The following AKAP9 variants were observed in gnomAD, a reference collection of about 807,000 sequenced individuals.
The protein encoded by AKAP9 is A-kinase anchoring protein 9.
AKAP9 carries 311 observed loss-of-function variants against 488.5 expected under a neutral mutation model. That is an observed-to-expected ratio of 0.64 (90% confidence interval 0.58 to 0.70). The LOEUF (loss-of-function observed/expected upper bound fraction) is 0.70, where lower values mean the gene tolerates loss of function less well. Among genes scored for constraint, AKAP9 ranks in the 30% least tolerant of loss-of-function variants. The pLI is 0.00. For synonymous variants in AKAP9, 1,462 were observed against 1,483.5 expected, an observed-to-expected ratio of 0.99 and a Z score of 0.33; for missense variants, 4,215 against 4,374.5, an observed-to-expected ratio of 0.96 and a Z score of 1.03.
chr7:91,974,802 C>G (rs1562920660), intron 2 of AKAP9, among the ~76,000 whole-genome samples: 1 of 151,916 alleles, frequency 6.6e-6, no homozygotes, highest in Non-Finnish European at 1.5e-5. Flanking sequence ...AAACGTCTCA[C>G]ATTTGTTTTG....
intron 26 of AKAP9, among the ~76,000 whole-genome samples, chr7:92,068,068 T>C (rs571591727): frequency 1.3e-5 from 2 of 152,120 alleles, no homozygotes; most frequent in East Asian, 3.9e-4. Context: ...ACAAAAGTTA[T>C]CAGTCTCCAG....
chr7:92,026,592 C>G (rs1000359627), intron 14 of AKAP9, among the ~76,000 whole-genome samples: 1 of 152,190 alleles, frequency 6.6e-6, no homozygotes, highest in Non-Finnish European at 1.5e-5. Flanking sequence ...GCCTCGGCCT[C>G]CCGAGGTGCT....
chr7:92,097,586 C>T lies in AKAP9; in HGVS notation c.10399C>T (p.Pro3467Ser). 6.2e-7 allele frequency: 1 copy of T among 1,613,062 alleles called. No homozygotes were observed. The highest frequency in any genetic ancestry group is 1.1e-5 in the South Asian group (1 of 91,000). Residue 3467 changes from proline to serine, a missense_variant and splice_region_variant, in exon 42 of 50, where the codon CCA (proline) becomes TCA (serine). Around this residue, in one of 5 missense-constraint regions of AKAP9, gnomAD observed 1,476 missense variants for 1,477.4 expected, o/e 1.00. Transcript: ENST00000356239. ...RRILYQNLNEPTTWSLTSDRT... is the reference protein window; with the variant it reads ...RRILYQNLNESTTWSLTSDRT... ...TTCTTATTCTGTCCAAAATTGCCAG[C>T]CAACCACGTGGAGCTTAACCAGTGA...
intron 2 of AKAP9, among the ~76,000 whole-genome samples, chr7:91,974,802 C>T (rs1562920660): frequency 6.6e-6 from 1 of 151,916 alleles, no homozygotes; most frequent in Admixed American, 6.6e-5. Flanking sequence ...AAACGTCTCA[C>T]ATTTGTTTTG....
At chr7:91,974,658 G>A (rs1318246606) in intron 2 of AKAP9, among the ~76,000 whole-genome samples, 1 of 152,106 alleles carries the variant, frequency 6.6e-6, no homozygotes, top group Non-Finnish European at 1.5e-5. Context: ...GATTTTGACA[G>A]GGATTGCATT....
At chr7:92,025,334 A>T (rs1333644976) in intron 14 of AKAP9, among the ~76,000 whole-genome samples, 1 of 152,170 alleles carries the variant, frequency 6.6e-6, no homozygotes, top group Non-Finnish European at 1.5e-5. Context: ...GAGTTTCTAT[A>T]ATACTCCATG....
intron 1 of AKAP9, among the ~76,000 whole-genome samples, chr7:91,955,417 C>G (rs1273906275): frequency 2.0e-5 from 3 of 152,174 alleles, no homozygotes; most frequent in African/African-American, 7.2e-5. Context: ...ATCCCAACCC[C>G]TCACCACTTG....
chr7:92,003,332 C>A, intron 8 of AKAP9, 97 bp downstream of exon 8: 1 of 927,000 alleles, frequency 1.1e-6, no homozygotes, highest in East Asian at 2.5e-5. Flanking sequence ...CATATCCTTA[C>A]AAGAGAATGA....
At chr7:92,094,984 A>G (rs751134369) in intron 39 of AKAP9, 39 bp from the exon 40 acceptor site, 6 of 1,605,616 alleles carry the variant, frequency 3.7e-6, no homozygotes, top group Non-Finnish European at 4.3e-6. Flanking sequence ...TGCTTCGTCA[A>G]CATAGCTTTA....
chr7:92,077,850 A>G lies in AKAP9; in HGVS notation c.6920A>G (p.Gln2307Arg), dbSNP rs1584453351. 1 of 1,613,266 alleles carries G rather than the reference A, an allele frequency of 6.2e-7. No homozygotes were observed. The highest frequency in any genetic ancestry group is 2.2e-5 in the East Asian group (1 of 44,788). The change falls in exon 30 of 50, where the codon CAA (glutamine) becomes CGA (arginine). Residue 2307 changes from glutamine (Q) to arginine (R), a missense_variant. Coordinates refer to ENST00000356239, the MANE Select transcript of AKAP9 (RefSeq NM_005751.5). The part of the protein sequence containing the change: ...LNEQVTKLQQ[Q>R]LKITTDNKVI... Reference sequence around the variant, plus strand: ...GAACAAGTTACGAAACTCCAGCAGCAACTTAAAATTACAACAGATAACAAG... The same window carrying G: ...GAACAAGTTACGAAACTCCAGCAGCGACTTAAAATTACAACAGATAACAAG...
chr7:92,074,257 A>T (rs1349524493), intron 28 of AKAP9, among the ~76,000 whole-genome samples: 2 of 152,210 alleles, frequency 1.3e-5, no homozygotes, highest in Non-Finnish European at 2.9e-5. Context: ...CAAAAAACAT[A>T]CGAAGAAAAG....
chr7:92,109,004 C>T (rs1303530283), intron 49 of AKAP9: 2 of 363,386 alleles, frequency 5.5e-6, no homozygotes, highest in Admixed American at 4.1e-5. Flanking sequence ...TAAGGCCGTG[C>T]CGCAGCACTC....
intron 47 of AKAP9, among the ~76,000 whole-genome samples, chr7:92,106,929 T>C (rs912321627): frequency 6.6e-6 from 1 of 152,226 alleles, no homozygotes; most frequent in Non-Finnish European, 1.5e-5. Flanking sequence ...AATGGTTACA[T>C]TGGTCTAATA....
rs779043530 is a variant in AKAP9, at chr7:92,038,606, A to C, written c.4526A>C (p.Lys1509Thr). 1 of 1,613,896 alleles carries C rather than the reference A, an allele frequency of 6.2e-7. No homozygotes were observed. The highest frequency in any genetic ancestry group is 8.5e-7 in the Non-Finnish European group (1 of 1,179,912). ...GFQTFETVDVKFKEEFKPLSK... is the reference protein window; with the variant it reads ...GFQTFETVDVTFKEEFKPLSK... ...CAGACTTTTGAGACAGTGGATGTGA[A>C]ATTTAAAGAAGAATTTAAACCACTT... The change falls in exon 17 of 50, where the codon AAA becomes ACA. Residue 1509 changes from lysine (K) to threonine (T), a missense_variant. Transcript: ENST00000356239.
Position 92,001,379 on chromosome 7 carries a change from A to G in AKAP9, c.1462A>G (p.Ile488Val), listed in dbSNP as rs1799162517. The G allele has an allele frequency of 2.5e-6, 4 of 1,613,880 alleles. No individual in the cohort carries two copies. Among genetic ancestry groups the G allele is most frequent in the Non-Finnish European group, 3.4e-6 (4 of 1,179,798 alleles). The change falls in exon 8 of 50, where the codon ATA becomes GTA. Residue 488 changes from isoleucine (I) to valine (V), a missense_variant. By Grantham distance (29) the Ile-to-Val change is conservative (BLOSUM62 3). Transcript: ENST00000356239. ...AAATATTACAGTTAATGAAGATCAG[A>G]TAAAGTTAATGAATGTGGCAATAAA... ...YSNITVNEDQ[I>V]KLMNVAINEL...
intron 1 of AKAP9, among the ~76,000 whole-genome samples, chr7:91,960,556 C>T (rs899877020): frequency 1.3e-5 from 2 of 152,166 alleles, no homozygotes; most frequent in East Asian, 1.9e-4. Flanking sequence ...TCTCCCCACA[C>T]GACCCCATTT....
intron 49 of AKAP9, among the ~76,000 whole-genome samples, chr7:92,109,827 G>A (rs928892303): frequency 1.8e-4 from 27 of 152,052 alleles, no homozygotes; most frequent in African/African-American, 5.1e-4. Context: ...GGCATGTGTG[G>A]ATAGTCCCAG....
At chr7:91,982,367 A>G (rs536145190) in intron 3 of AKAP9, among the ~76,000 whole-genome samples, 2 of 148,348 alleles carry the variant, frequency 1.3e-5, no homozygotes, top group East Asian at 2.0e-4. Flanking sequence ...ACAGGCCCCC[A>G]TGTGTGATGT....
At chr7:92,016,357 C>T (rs1244917869) in intron 11 of AKAP9, 90 bp downstream of exon 11, 3 of 943,960 alleles carry the variant, frequency 3.2e-6, no homozygotes, top group Non-Finnish European at 4.7e-6. Context: ...GATTTAATCA[C>T]CCAGCCAAGT....
Sources: allele counts gnomAD v4.1 joint callset (sites outside exome capture counted in the v4.1 genomes callset), GRCh38; gene constraint gnomAD v4.1.1; regional missense constraint gnomAD v4.1.1; transcripts MANE v1.5; gene names NCBI Gene and HGNC (gene_info 2026-07-23, HGNC 2026-07-21).